Variants in NALF1 observed in about 807,000 individuals in gnomAD.
NALF1 encodes NALCN channel auxiliary factor 1.
Under a neutral mutation model 48.4 loss-of-function variants are expected in NALF1, and 3 were observed. The ratio of observed to expected loss-of-function variants is 0.06; its 90% CI spans 0.03 to 0.16. The LOEUF is 0.16. Ranked by LOEUF, NALF1 falls within the 10% of genes least tolerant of loss-of-function variation. The pLI, the probability that NALF1 is intolerant of heterozygous loss-of-function variation, is 1.00. For missense variants in NALF1, 526 were observed against 571.5 expected, an observed-to-expected ratio of 0.92 and a Z score of 0.81; for synonymous variants, 262 against 245.7, an observed-to-expected ratio of 1.07 and a Z score of -0.62.
chr13:107,242,412 A>G (rs1026275072), intron 1 of NALF1, among the ~76,000 whole-genome samples: 9 of 152,218 alleles, frequency 5.9e-5, no homozygotes, highest in Non-Finnish European at 1.0e-4. Context: ...TGTGACCTCC[A>G]GGAGGAATTA....
intron 1 of NALF1, among the ~76,000 whole-genome samples, chr13:107,331,369 T>C (rs533527158): frequency 3.0e-4 from 45 of 152,332 alleles, no homozygotes; most frequent in African/African-American, 5.8e-4. Context: ...AATGTTCTCA[T>C]AGCACTGTAA....
intron 1 of NALF1, among the ~76,000 whole-genome samples, chr13:107,694,405 CTT>C (rs997344306): frequency 6.6e-6 from 1 of 152,036 alleles, no homozygotes; most frequent in Non-Finnish European, 1.5e-5. Flanking sequence ...CTCTCTCTCT[CTT>C]TATATATATT....
intron 1 of NALF1, among the ~76,000 whole-genome samples, chr13:107,526,849 A>G (rs1457459235): frequency 2.0e-5 from 3 of 152,170 alleles, no homozygotes; most frequent in African/African-American, 7.2e-5. Context: ...TTCAGTAAAG[A>G]AATGAGTCCA....
chr13:107,419,560 G>C (rs931989898), intron 1 of NALF1, among the ~76,000 whole-genome samples: 2 of 152,218 alleles, frequency 1.3e-5, no homozygotes, highest in African/African-American at 4.8e-5. Context: ...TGAGGATGCT[G>C]AGGCACAGGT....
chr13:107,632,856 C>A (rs9520528), intron 1 of NALF1, among the ~76,000 whole-genome samples: 87,003 of 149,292 alleles, frequency 0.58, 27,569 homozygotes, highest in East Asian at 0.99. Context: ...AGAGGAAAAA[C>A]AAGCCCAGAA....
At chr13:107,595,353 ATCTCT>A (rs1878713461) in intron 1 of NALF1, among the ~76,000 whole-genome samples, 1 of 152,150 alleles carries the variant, frequency 6.6e-6, no homozygotes, top group African/African-American at 2.4e-5. Context: ...GGTTCAGGGC[ATCTCT>A]TCTCTTGTCC....
intron 1 of NALF1, among the ~76,000 whole-genome samples, chr13:107,481,352 T>C (rs1187389717): frequency 6.6e-6 from 1 of 152,176 alleles, no homozygotes; most frequent in Non-Finnish European, 1.5e-5. Context: ...TAACGATACA[T>C]CTTGTCACAA....
At chr13:107,746,550 T>C (rs946044478) in intron 1 of NALF1, among the ~76,000 whole-genome samples, 1 of 152,238 alleles carries the variant, frequency 6.6e-6, no homozygotes, top group Non-Finnish European at 1.5e-5. Context: ...CACAACTTTA[T>C]ATTAGCATAT....
intron 1 of NALF1, among the ~76,000 whole-genome samples, chr13:107,717,652 AG>A (rs1816273326): frequency 6.6e-6 from 1 of 152,110 alleles, no homozygotes; most frequent in Admixed American, 6.5e-5. Flanking sequence ...ACACAGAAAA[AG>A]ACTAATTTTC....
chr13:107,437,486 T>C (rs542020868), intron 1 of NALF1, among the ~76,000 whole-genome samples: 111 of 152,292 alleles, frequency 7.3e-4, no homozygotes, highest in Non-Finnish European at 1.3e-3. Flanking sequence ...AAACTAGAAA[T>C]CATCTAGGTG....
Position 107,483,200 on chromosome 13 carries a change from T to A in NALF1, c.916-272445A>T, listed in dbSNP as rs185612669. 5.6e-4 allele frequency among the ~76,000 whole-genome samples: 85 copies of A among 152,324 alleles called. 5 individuals carry two copies. The highest frequency in any genetic ancestry group is 2.0e-3 in the African/African-American group (83 of 41,576). On this transcript the variant is annotated intron_variant, in intron 1 of 2. Transcript: ENST00000375915. Reference sequence around the variant, plus strand: ...TAAGCTAAATGAACAGATGAATTAATGTTGTATGACCAGCAAAATGAATGC... The same window carrying A: ...TAAGCTAAATGAACAGATGAATTAAAGTTGTATGACCAGCAAAATGAATGC...
intron 1 of NALF1, among the ~76,000 whole-genome samples, chr13:107,561,212 C>T (rs1877634812): frequency 6.6e-6 from 1 of 152,146 alleles, no homozygotes. Flanking sequence ...GCAATTTTAA[C>T]AAATATCCCG....
chr13:107,820,726 A>T (rs995949467), intron 1 of NALF1, among the ~76,000 whole-genome samples: 26 of 152,172 alleles, frequency 1.7e-4, no homozygotes, highest in Non-Finnish European at 7.3e-5. Context: ...CTAAATTGAT[A>T]TTTCTGTCAC....
At chr13:107,728,547 G>A (rs925513991) in intron 1 of NALF1, among the ~76,000 whole-genome samples, 3 of 151,294 alleles carry the variant, frequency 2.0e-5, no homozygotes, top group Non-Finnish European at 4.4e-5. Flanking sequence ...TTGGGGGAAA[G>A]GGGAGGGACA....
chr13:107,775,187 C>T (rs1163519695), intron 1 of NALF1, among the ~76,000 whole-genome samples: 8 of 149,044 alleles, frequency 5.4e-5, no homozygotes, highest in Admixed American at 1.3e-4. Flanking sequence ...GTATATCTCC[C>T]AGTGCTATCC....
At chr13:107,744,685 G>C (rs1453467102) in intron 1 of NALF1, among the ~76,000 whole-genome samples, 1 of 152,188 alleles carries the variant, frequency 6.6e-6, no homozygotes, top group Non-Finnish European at 1.5e-5. Context: ...AAGGACACAA[G>C]ATGCTGGCCA....
At chr13:107,388,937 G>A (rs748754317) in intron 1 of NALF1, among the ~76,000 whole-genome samples, 21 of 152,236 alleles carry the variant, frequency 1.4e-4, no homozygotes, top group Non-Finnish European at 2.5e-4. Context: ...TTCTAAACCT[G>A]CTATAACTTG....
intron 1 of NALF1, among the ~76,000 whole-genome samples, chr13:107,347,009 T>G (rs1235516497): frequency 6.6e-6 from 1 of 152,188 alleles, no homozygotes; most frequent in African/African-American, 2.4e-5. Flanking sequence ...AAATTAAAAT[T>G]TTCTTATTTC....
intron 1 of NALF1, among the ~76,000 whole-genome samples, chr13:107,428,724 C>T (rs1323677): frequency 0.21 from 32,298 of 152,152 alleles, 3,906 homozygotes; most frequent in Middle Eastern, 0.28. Flanking sequence ...TCTAACTTCA[C>T]TGCTTTTGAG....
Sources: gnomAD v4.1 joint callset for allele counts (sites outside exome capture counted in the v4.1 genomes callset) on GRCh38, gnomAD v4.1.1 for gene constraint, MANE v1.5 for transcripts, NCBI Gene and HGNC (gene_info 2026-07-23, HGNC 2026-07-21) for gene names.